Variants in EPB41 observed in about 807,000 individuals in gnomAD.
The protein encoded by EPB41 is protein 4.1.
Under a neutral mutation model 108.0 loss-of-function variants are expected in EPB41, and 65 were observed. The observed-to-expected ratio is 0.60, with a 90% CI of 0.49 to 0.74. The LOEUF is 0.74. EPB41 is among the 30% of genes least tolerant of loss of function. The pLI, the probability that EPB41 is intolerant of heterozygous loss-of-function variation, is 0.00. For missense variants in EPB41, 875 were observed against 1,037.0 expected (o/e 0.84, Z 2.15); for synonymous variants, 336 against 358.9 (o/e 0.94, Z 0.72).
At chr1:29,114,534 T>C (rs1336042720) in intron 19 of EPB41, among the ~76,000 whole-genome samples, 1 of 150,934 alleles carries the variant, frequency 6.6e-6, no homozygotes, top group Non-Finnish European at 1.5e-5. Flanking sequence ...CCCCAGCTAC[T>C]TGGGAGGCTG....
At chr1:29,046,349 G>A (rs903656976) in intron 11 of EPB41, among the ~76,000 whole-genome samples, 3 of 151,982 alleles carry the variant, frequency 2.0e-5, no homozygotes, top group African/African-American at 4.8e-5. Context: ...GGCTGTTCTC[G>A]AACTCCTGAC....
intron 1 of EPB41, among the ~76,000 whole-genome samples, chr1:28,959,864 CAT>C (rs1300475519): frequency 6.6e-5 from 10 of 151,518 alleles, no homozygotes; most frequent in Non-Finnish European, 1.3e-4. Context: ...TTAGTGGAGA[CAT>C]GGTTTTCACC....
intron 16 of EPB41, chr1:29,068,595 C>T: frequency 2.1e-6 from 1 of 468,578 alleles, no homozygotes; most frequent in Non-Finnish European, 3.4e-6. Context: ...TTGGGTAATT[C>T]TACTTTCTGG....
chr1:29,113,996 T>C (rs1216489155), intron 19 of EPB41, among the ~76,000 whole-genome samples: 1 of 152,026 alleles, frequency 6.6e-6, no homozygotes, highest in African/African-American at 2.4e-5. Flanking sequence ...GCAAACAGGA[T>C]CAGGGAGGAT....
At chr1:28,939,685 C>T (rs1012314925) in intron 1 of EPB41, among the ~76,000 whole-genome samples, 4 of 152,084 alleles carry the variant, frequency 2.6e-5, no homozygotes, top group Non-Finnish European at 5.9e-5. Context: ...TCAGGTGATC[C>T]GCCCACCTCA....
At chr1:29,091,576 G>A (rs1291408654) in intron 16 of EPB41, among the ~76,000 whole-genome samples, 1 of 152,022 alleles carries the variant, frequency 6.6e-6, no homozygotes, top group Non-Finnish European at 1.5e-5. Context: ...AATAAGTATA[G>A]TACTTTAGAA....
At chr1:28,914,087 A>G (rs1282952946), upstream of EPB41, among the ~76,000 whole-genome samples, 2 of 152,208 alleles carry the variant, frequency 1.3e-5, no homozygotes, top group Non-Finnish European at 2.9e-5. Flanking sequence ...TGAGGTACAG[A>G]GAAGCTGAGT....
chr1:29,015,931 G>C (rs1188076506), intron 6 of EPB41, among the ~76,000 whole-genome samples, 164 bp downstream of exon 6: 3 of 152,194 alleles, frequency 2.0e-5, no homozygotes, highest in Non-Finnish European at 2.9e-5. Context: ...TTCAAGGCAG[G>C]CATACAAATA....
chr1:28,975,290 G>A (rs74067251), intron 1 of EPB41, among the ~76,000 whole-genome samples: 19,224 of 152,026 alleles, frequency 0.13, 1,464 homozygotes, highest in East Asian at 0.37. Context: ...TTATAAAAAT[G>A]CCTTTAGGAT....
At chr1:28,991,916 A>C (rs1403831139) in intron 2 of EPB41, among the ~76,000 whole-genome samples, 2 of 152,178 alleles carry the variant, frequency 1.3e-5, no homozygotes, top group Non-Finnish European at 2.9e-5. Context: ...GAGTTAGTTC[A>C]CATAAGTAAT....
At chr1:28,898,810 A>C (rs1570084834) in intron 1 of EPB41, among the ~76,000 whole-genome samples, 1 of 152,146 alleles carries the variant, frequency 6.6e-6, no homozygotes, top group African/African-American at 2.4e-5. Context: ...CCTGCACTAG[A>C]TGCCCTGCCC....
chr1:29,050,259 A>C (rs1644260393), intron 11 of EPB41, among the ~76,000 whole-genome samples: 1 of 152,238 alleles, frequency 6.6e-6, no homozygotes. Flanking sequence ...TGTTTCTGTC[A>C]GTTTCCACAC....
chr1:29,097,630 A>G (rs1435462986), intron 16 of EPB41, 177 bp from the exon 17 acceptor site: 1 of 678,630 alleles, frequency 1.5e-6, no homozygotes, highest in Non-Finnish European at 2.6e-6. Flanking sequence ...ATGATTTGAC[A>G]CCTTGTCAGG....
intron 1 of EPB41, among the ~76,000 whole-genome samples, chr1:28,901,277 T>A (rs1310323445): frequency 1.2e-4 from 17 of 144,942 alleles, no homozygotes; most frequent in Non-Finnish European, 2.1e-4. Flanking sequence ...CAGGCTGGAG[T>A]GCAGTGGCAT....
chr1:29,092,015 A>G (rs1047470964), intron 16 of EPB41, among the ~76,000 whole-genome samples: 3 of 151,832 alleles, frequency 2.0e-5, no homozygotes, highest in South Asian at 2.1e-4. Flanking sequence ...TATAATACCT[A>G]TAACATTGAT....
At chr1:29,061,069 C>A (rs12070045) in intron 15 of EPB41, among the ~76,000 whole-genome samples, 18,658 of 151,930 alleles carry the variant, frequency 0.12, 1,571 homozygotes, top group African/African-American at 0.25. Context: ...TTAAAGATGA[C>A]AAAATTGAAC....
intron 16 of EPB41, among the ~76,000 whole-genome samples, chr1:29,085,141 C>CTTTTTTT (rs527593950): frequency 4.1e-4 from 48 of 117,314 alleles, no homozygotes; most frequent in East Asian, 2.4e-3. Flanking sequence ...CTTTGATCTT[C>CTTTTTTT]TTTTTTTTTT....
intron 1 of EPB41, among the ~76,000 whole-genome samples, chr1:28,933,548 T>C (rs765103409): frequency 3.9e-5 from 6 of 152,194 alleles, no homozygotes; most frequent in Admixed American, 3.3e-4. Context: ...TATTGTCACC[T>C]AGGATGACCA....
intron 1 of EPB41, among the ~76,000 whole-genome samples, chr1:28,920,906 C>T (rs945051291): frequency 8.5e-5 from 13 of 152,238 alleles, no homozygotes; most frequent in East Asian, 5.8e-4. Context: ...GCTGGGATTA[C>T]AGGTGTGAGC....
Sources: allele counts gnomAD v4.1 joint callset (sites outside exome capture counted in the v4.1 genomes callset), GRCh38; gene constraint gnomAD v4.1.1; transcripts MANE v1.5; gene names NCBI Gene and HGNC (gene_info 2026-07-23, HGNC 2026-07-21).